DIP2A: variants seen among roughly 807,000 people sequenced by gnomAD.
DIP2A encodes DIP2 acetate--CoA ligase A.
Under a neutral mutation model 177.4 loss-of-function variants are expected in DIP2A, and 85 were observed. The observed-to-expected ratio is 0.48, with a 90% CI of 0.40 to 0.57. The LOEUF (loss-of-function observed/expected upper bound fraction) is 0.57, where lower values mean the gene tolerates loss of function less well. Among genes scored for constraint, DIP2A ranks in the 20% least tolerant of loss-of-function variants. DIP2A has a pLI of 0.00. For synonymous variants in DIP2A, 886 were observed against 881.8 expected, an observed-to-expected ratio of 1.00 and a Z score of -0.08; for missense variants, 1,791 against 2,100.2, an observed-to-expected ratio of 0.85 and a Z score of 2.88.
At chr21:46,480,838 TGG>T (rs2056296391) in intron 1 of DIP2A, among the ~76,000 whole-genome samples, 1 of 152,186 alleles carries the variant, frequency 6.6e-6, no homozygotes, top group African/African-American at 2.4e-5. Context: ...GCCGGGCCCT[TGG>T]GGCTCCCAGC....
the DIP2A span, among the ~76,000 whole-genome samples, chr21:46,582,216 T>A: frequency 6.6e-6 from 1 of 152,186 alleles, no homozygotes; most frequent in East Asian, 1.9e-4. Context: ...AGCAGCAGTC[T>A]AGCCATGATC....
rs770744004 is a variant in DIP2A at position 46,533,590 on chromosome 21, G to C, written c.1372G>C (p.Asp458His). 5 of 1,614,040 alleles carry C rather than the reference G, an allele frequency of 3.1e-6. No homozygotes were observed. Among genetic ancestry groups the C allele is most frequent in the Non-Finnish European group, 4.2e-6 (5 of 1,179,898 alleles). Reference sequence around the variant, plus strand: ...TGGAGTCTTCTTGGCCCTGACCACAGACGCTTGTCAGAAAGGCCTCCCCAA... The same window carrying C: ...TGGAGTCTTCTTGGCCCTGACCACACACGCTTGTCAGAAAGGCCTCCCCAA... ...SCGVFLALTT[D>H]ACQKGLPKAQ... Residue 458 changes from aspartate to histidine, a missense_variant, in exon 11 of 38, where the codon GAC (aspartate) becomes CAC (histidine). Coordinates refer to ENST00000417564, the MANE Select transcript of DIP2A (RefSeq NM_015151.4).
chr21:46,497,201 C>A, intron 4 of DIP2A, 94 bp downstream of exon 4: 2 of 1,463,032 alleles, frequency 1.4e-6, no homozygotes, highest in Non-Finnish European at 1.8e-6. Flanking sequence ...GAATATCCGT[C>A]TGGCCTGTAG....
In DIP2A at chr21:46,497,600, A is replaced by C. The variant is rs139739252; in HGVS notation, c.403+493A>C. 6.0e-3 allele frequency among the ~76,000 whole-genome samples: 918 copies of C among 152,292 alleles called. 10 individuals carry two copies. The highest frequency in any genetic ancestry group is 0.021 in the African/African-American group (882 of 41,576). ...CATTAGAAATGAAAACTTTTATATG[A>C]GGTTTCTCTCTAGCAATAATGTATT... On this transcript the variant is annotated intron_variant, in intron 4 of 37. Transcript: ENST00000417564.
chr21:46,554,161 T>G lies in DIP2A; in HGVS notation c.3031-8T>G. ...GCATACAGATGAGCTCAAAGATCGC[T>G]TTCCTAGGGCACCGTCACAAGCACT... On this transcript the variant is annotated splice_region_variant and splice_polypyrimidine_tract_variant and intron_variant, in intron 25 of 37. Transcript: ENST00000417564. The G allele has an allele frequency of 1.9e-6, 3 of 1,609,884 alleles. No individual in the cohort carries two copies. Among genetic ancestry groups the G allele is most frequent in the Non-Finnish European group, 2.5e-6 (3 of 1,177,338 alleles).
intron 8 of DIP2A, among the ~76,000 whole-genome samples, chr21:46,527,982 C>T (rs1244109319): frequency 1.3e-5 from 2 of 152,248 alleles, no homozygotes; most frequent in African/African-American, 2.4e-5. Context: ...CAGTGAAGCT[C>T]TCCCCTATTG....
At chr21:46,582,512 C>T in the DIP2A span, among the ~76,000 whole-genome samples, 1 of 152,154 alleles carries the variant, frequency 6.6e-6, no homozygotes, top group East Asian at 1.9e-4. Flanking sequence ...CATGGTTTTC[C>T]AGGCAGGTAG....
At chr21:46,573,560 C>T (rs2060979245), downstream of DIP2A, among the ~76,000 whole-genome samples, 1 of 138,738 alleles carries the variant, frequency 7.2e-6, no homozygotes, top group Non-Finnish European at 1.5e-5. Flanking sequence ...GGGAATATTC[C>T]TTGAGCCTGA....
intron 3 of DIP2A, among the ~76,000 whole-genome samples, chr21:46,496,555 C>T (rs552677185): frequency 6.6e-5 from 10 of 152,148 alleles, no homozygotes; most frequent in Admixed American, 1.3e-4. Flanking sequence ...CTAACACTAA[C>T]GATAGCTGAT....
At chr21:46,475,696 A>G (rs2055779509) in intron 1 of DIP2A, among the ~76,000 whole-genome samples, 1 of 152,248 alleles carries the variant, frequency 6.6e-6, no homozygotes, top group African/African-American at 2.4e-5. Context: ...CAATTTTTAA[A>G]AAATGAAGAT....
chr21:46,501,037 A>G (rs1204426251), intron 5 of DIP2A, among the ~76,000 whole-genome samples: 50 of 152,216 alleles, frequency 3.3e-4, no homozygotes, highest in Admixed American at 3.3e-3. Context: ...GATTGTAGCT[A>G]CCCACATCCT....
chr21:46,578,511 GA>G, the DIP2A span, among the ~76,000 whole-genome samples: 1 of 152,218 alleles, frequency 6.6e-6, no homozygotes, highest in African/African-American at 2.4e-5. Context: ...GGAGTGGTGA[GA>G]GGGGGCATCC....
At chr21:46,471,812 G>T (rs1428014469) in intron 1 of DIP2A, among the ~76,000 whole-genome samples, 1 of 152,202 alleles carries the variant, frequency 6.6e-6, no homozygotes, top group African/African-American at 2.4e-5. Flanking sequence ...CAGTGATCAT[G>T]CGGGGGTTTC....
rs2057389989 is a variant in DIP2A at position 46,496,928 on chromosome 21, A to G, written c.284-60A>G. The G allele has an allele frequency of 1.7e-5, 25 of 1,488,630 alleles. No homozygotes were observed. The South Asian group carries it at 3.3e-4, about 20-fold the overall frequency. The allele number at this position is 1,488,630 out of a possible 1,614,324, so 92.2% of individuals were successfully genotyped here. On this transcript the variant is annotated intron_variant, in intron 3 of 37. Coordinates refer to ENST00000417564, the MANE Select transcript of DIP2A (RefSeq NM_015151.4). ...AAAACAAACAAAAACATGAAACTTA[A>G]TTTGTTACTTTATAAACAGTCTTGT...
At chr21:46,567,335 G>C in intron 37 of DIP2A, 35 bp from the exon 38 acceptor site, 1 of 1,593,566 alleles carries the variant, frequency 6.3e-7, no homozygotes, top group Non-Finnish European at 8.6e-7. Context: ...ACCTGTGCCT[G>C]TATCCATGTG....
chr21:46,579,154 A>G, the DIP2A span, among the ~76,000 whole-genome samples: 1 of 152,134 alleles, frequency 6.6e-6, no homozygotes, highest in Admixed American at 6.5e-5. Flanking sequence ...TGGTTTATTC[A>G]GAGATTCAAC....
At chr21:46,559,308 C>T (rs528511144) in intron 32 of DIP2A, among the ~76,000 whole-genome samples, 1 of 152,326 alleles carries the variant, frequency 6.6e-6, no homozygotes, top group African/African-American at 2.4e-5. Flanking sequence ...TATTCACCCA[C>T]ATAGTACAAG....
chr21:46,475,852 G>A (rs1241097413), intron 1 of DIP2A, among the ~76,000 whole-genome samples: 1 of 152,066 alleles, frequency 6.6e-6, no homozygotes, highest in Admixed American at 6.5e-5. Flanking sequence ...TGAAACAATC[G>A]ATAGTGTTTT....
intron 6 of DIP2A, among the ~76,000 whole-genome samples, chr21:46,507,807 T>A (rs1386565121): frequency 6.7e-6 from 1 of 150,276 alleles, no homozygotes; most frequent in Non-Finnish European, 1.5e-5. Flanking sequence ...GTCAAGCGAT[T>A]CTCCTGCCTT....
Sources: gnomAD v4.1 joint callset for allele counts (sites outside exome capture counted in the v4.1 genomes callset) on GRCh38, gnomAD v4.1.1 for gene constraint, MANE v1.5 for transcripts, NCBI Gene and HGNC (gene_info 2026-07-23, HGNC 2026-07-21) for gene names.